MIPOL1: variants seen among roughly 807,000 people sequenced by gnomAD.
The protein encoded by MIPOL1 is mirror-image polydactyly 1.
MIPOL1 carries 57 observed loss-of-function variants against 60.9 expected under a neutral mutation model. The ratio of observed to expected loss-of-function variants is 0.94; its 90% CI spans 0.76 to 1.17. MIPOL1 has a LOEUF of 1.17. Ranked by LOEUF, MIPOL1 falls within the 50% of genes most tolerant of loss-of-function variation. The pLI is 0.00. For missense variants in MIPOL1, 551 were observed against 511.6 expected, an observed-to-expected ratio of 1.08 and a Z score of -0.74; for synonymous variants, 179 against 168.8, an observed-to-expected ratio of 1.06 and a Z score of -0.47.
chr14:37,297,151 A>C (rs2153424280), intron 7 of MIPOL1, among the ~76,000 whole-genome samples: 1 of 152,358 alleles, frequency 6.6e-6, no homozygotes, highest in South Asian at 2.1e-4. Context: ...CTGGTTCAAC[A>C]TACGCAAATC....
chr14:37,318,267 T>G (rs149532690), intron 9 of MIPOL1, among the ~76,000 whole-genome samples: 2 of 152,284 alleles, frequency 1.3e-5, no homozygotes, highest in African/African-American at 4.8e-5. Context: ...TTTGTGCTTC[T>G]TATAATTAGC....
intron 3 of MIPOL1, among the ~76,000 whole-genome samples, chr14:37,263,816 CAT>C (rs1193998930): frequency 5.3e-5 from 8 of 152,090 alleles, no homozygotes; most frequent in African/African-American, 1.9e-4. Context: ...CGTTTCAAAC[CAT>C]ATGAAAGAGA....
intron 11 of MIPOL1, among the ~76,000 whole-genome samples, chr14:37,481,792 C>T (rs2094875497): frequency 6.6e-6 from 1 of 152,064 alleles, no homozygotes; most frequent in Admixed American, 6.6e-5. Flanking sequence ...TCATATATAT[C>T]ATCAATTGAT....
intron 7 of MIPOL1, among the ~76,000 whole-genome samples, chr14:37,302,737 A>T (rs1484600116): frequency 1.3e-5 from 2 of 151,700 alleles, no homozygotes; most frequent in Non-Finnish European, 2.9e-5. Flanking sequence ...GTCAAAAATA[A>T]GTTGACTATA....
intron 7 of MIPOL1, among the ~76,000 whole-genome samples, chr14:37,299,767 A>C (rs1477149558): frequency 6.6e-6 from 1 of 152,098 alleles, no homozygotes; most frequent in Non-Finnish European, 1.5e-5. Flanking sequence ...ATAACTATTA[A>C]CTAAACTGTA....
At chr14:37,283,169 G>A (rs1294309188) in intron 6 of MIPOL1, among the ~76,000 whole-genome samples, 5 of 152,034 alleles carry the variant, frequency 3.3e-5, no homozygotes, top group African/African-American at 9.7e-5. Flanking sequence ...GGGTTCAAGC[G>A]ATTCTCCTGC....
chr14:37,427,902 T>C (rs2093992727), intron 11 of MIPOL1, among the ~76,000 whole-genome samples: 1 of 152,142 alleles, frequency 6.6e-6, no homozygotes, highest in Admixed American at 6.5e-5. Context: ...CCATTTTATG[T>C]GAAGGAACCT....
At chr14:37,273,596 A>G (rs945403108) in intron 6 of MIPOL1, among the ~76,000 whole-genome samples, 1 of 151,208 alleles carries the variant, frequency 6.6e-6, no homozygotes, top group Admixed American at 6.6e-5. Flanking sequence ...AGGTGATTGT[A>G]TAATTTAGAA....
At chr14:37,385,401 C>T (rs1027341874) in intron 10 of MIPOL1, 71 of 152,048 alleles carry the variant, frequency 4.7e-4, no homozygotes, top group African/African-American at 1.6e-3. Flanking sequence ...AAACAGAGGG[C>T]GGGAAAGAGG....
chr14:37,459,057 A>G (rs1158074443), intron 11 of MIPOL1, among the ~76,000 whole-genome samples: 1 of 152,028 alleles, frequency 6.6e-6, no homozygotes, highest in Non-Finnish European at 1.5e-5. Context: ...TACATCAAAA[A>G]GATAAAAAGG....
chr14:37,440,632 T>G (rs1283668506), intron 11 of MIPOL1, among the ~76,000 whole-genome samples: 1 of 152,218 alleles, frequency 6.6e-6, no homozygotes, highest in Non-Finnish European at 1.5e-5. Flanking sequence ...CTGAGTAGTA[T>G]TCTATTGTGT....
chr14:37,214,637 A>G (rs1038172989), intron 1 of MIPOL1, among the ~76,000 whole-genome samples: 2 of 152,168 alleles, frequency 1.3e-5, no homozygotes, highest in African/African-American at 4.8e-5. Context: ...TTCTTGCTCT[A>G]CAATTATAAC....
chr14:37,386,395 A>T (rs2093068353), intron 10 of MIPOL1, among the ~76,000 whole-genome samples: 1 of 151,988 alleles, frequency 6.6e-6, no homozygotes, highest in Non-Finnish European at 1.5e-5. Context: ...TTTCCATGAG[A>T]TTACAGTTAT....
At chr14:37,368,800 T>A (rs971989757) in intron 9 of MIPOL1, among the ~76,000 whole-genome samples, 42 of 152,202 alleles carry the variant, frequency 2.8e-4, no homozygotes, top group African/African-American at 9.9e-4. Flanking sequence ...ATTTCAAAAA[T>A]TTTTTGAACA....
intron 3 of MIPOL1, among the ~76,000 whole-genome samples, chr14:37,264,090 A>G (rs1411956265): frequency 1.3e-5 from 2 of 152,162 alleles, no homozygotes. Context: ...TTATTGCTTC[A>G]TAAAGATCCT....
chr14:37,340,558 A>G (rs2090492834), intron 9 of MIPOL1, among the ~76,000 whole-genome samples: 1 of 151,916 alleles, frequency 6.6e-6, no homozygotes, highest in South Asian at 2.1e-4. Context: ...AAAAATGCAG[A>G]AATTAGTTGG....
intron 11 of MIPOL1, among the ~76,000 whole-genome samples, chr14:37,494,062 A>C (rs2095083282): frequency 6.6e-6 from 1 of 152,210 alleles, no homozygotes; most frequent in Non-Finnish European, 1.5e-5. Context: ...CTGAGGAAGA[A>C]GTACTAAAGC....
intron 7 of MIPOL1, among the ~76,000 whole-genome samples, chr14:37,304,812 A>G (rs559605650): frequency 2.0e-4 from 30 of 151,950 alleles, no homozygotes; most frequent in Admixed American, 7.9e-4. Flanking sequence ...ACTTGAGCCC[A>G]TAGACATTTA....
At chr14:37,199,251 G>A (rs1964836248) in intron 1 of MIPOL1, among the ~76,000 whole-genome samples, 1 of 152,134 alleles carries the variant, frequency 6.6e-6, no homozygotes, top group African/African-American at 2.4e-5. Context: ...CATCCCGGAA[G>A]CCCCACTTCA....
Sources: allele counts gnomAD v4.1 joint callset (sites outside exome capture counted in the v4.1 genomes callset), GRCh38; gene constraint gnomAD v4.1.1; transcripts MANE v1.5; gene names NCBI Gene and HGNC (gene_info 2026-07-23, HGNC 2026-07-21).